Variants in IL1RAPL2 observed in about 807,000 individuals in gnomAD.
IL1RAPL2 encodes the protein interleukin 1 receptor accessory protein like 2.
A neutral mutation model predicts 44.1 loss-of-function variants in IL1RAPL2; 3 were observed. The ratio of observed to expected loss-of-function variants is 0.07; its 90% CI spans 0.03 to 0.18. The LOEUF (loss-of-function observed/expected upper bound fraction) is 0.18, where lower values mean the gene tolerates loss of function less well. Ranked by LOEUF, IL1RAPL2 falls within the 10% of genes least tolerant of loss-of-function variation. IL1RAPL2 has a pLI of 1.00. For synonymous variants in IL1RAPL2, 181 were observed against 178.8 expected, an observed-to-expected ratio of 1.01 and a Z score of -0.10; for missense variants, 391 against 496.4, an observed-to-expected ratio of 0.79 and a Z score of 2.02.
intron 5 of IL1RAPL2, among the ~76,000 whole-genome samples, chrX:105,305,943 T>G (rs2034733813): frequency 1.8e-5 from 2 of 111,307 alleles, no homozygotes; most frequent in African/African-American, 6.5e-5. Flanking sequence ...AAATTTTAAA[T>G]ATTTTTCCAT....
chrX:105,041,642 C>T (rs1292918425), intron 2 of IL1RAPL2, among the ~76,000 whole-genome samples: 1 of 109,160 alleles, frequency 9.2e-6, no homozygotes, highest in Non-Finnish European at 1.9e-5. Flanking sequence ...GTGAAAATGG[C>T]CATACTGCCC....
chrX:104,933,150 G>A (rs1924945774), intron 2 of IL1RAPL2, among the ~76,000 whole-genome samples: 1 of 111,867 alleles, frequency 8.9e-6, no homozygotes, highest in Non-Finnish European at 1.9e-5. Context: ...AATTTGGTAA[G>A]CCAATATATC....
At chrX:105,684,850 A>G (rs1339532160) in intron 6 of IL1RAPL2, among the ~76,000 whole-genome samples, 1 of 111,964 alleles carries the variant, frequency 8.9e-6, no homozygotes, top group Non-Finnish European at 1.9e-5. Context: ...TCAGGCAGCA[A>G]TATTTGCTGT....
intron 7 of IL1RAPL2, among the ~76,000 whole-genome samples, chrX:105,724,677 A>T (rs1250587614): frequency 1.8e-5 from 2 of 112,227 alleles, no homozygotes; most frequent in Non-Finnish European, 3.8e-5. Context: ...GCAGTAACAT[A>T]AGATGTAATT....
chrX:105,660,548 TAAA>T (rs1299762147), intron 6 of IL1RAPL2, among the ~76,000 whole-genome samples: 1 of 110,414 alleles, frequency 9.1e-6, no homozygotes, highest in African/African-American at 3.3e-5. Context: ...GATGAAGAAA[TAAA>T]AAAATAATAA....
intron 2 of IL1RAPL2, among the ~76,000 whole-genome samples, chrX:104,841,114 T>C (rs2147635327): frequency 8.9e-6 from 1 of 112,310 alleles, no homozygotes; most frequent in East Asian, 2.8e-4. Context: ...GCTCTTTTTG[T>C]TGCATTGATG....
At chrX:105,032,335 A>G (rs1263798089) in intron 2 of IL1RAPL2, among the ~76,000 whole-genome samples, 1 of 105,879 alleles carries the variant, frequency 9.4e-6, no homozygotes, top group South Asian at 4.4e-4. Flanking sequence ...TCAATTTTGG[A>G]TCTTTCCTGC....
chrX:105,286,944 C>T (rs1775971389), intron 5 of IL1RAPL2, among the ~76,000 whole-genome samples: 1 of 111,630 alleles, frequency 9.0e-6, no homozygotes, highest in Non-Finnish European at 1.9e-5. Flanking sequence ...TATTCATTAA[C>T]CTATTGAAAA....
intron 2 of IL1RAPL2, among the ~76,000 whole-genome samples, chrX:105,103,909 A>G (rs1258118492): frequency 1.8e-5 from 2 of 111,946 alleles, no homozygotes; most frequent in African/African-American, 3.2e-5. Flanking sequence ...AAGAGAAACA[A>G]TGAATTATTT....
At chrX:105,538,569 T>C (rs901117724) in intron 6 of IL1RAPL2, among the ~76,000 whole-genome samples, 1 of 111,845 alleles carries the variant, frequency 8.9e-6, no homozygotes, top group Admixed American at 9.5e-5. Flanking sequence ...TTACCTTCTT[T>C]CCTTTGTGAG....
intron 2 of IL1RAPL2, among the ~76,000 whole-genome samples, chrX:105,014,114 T>C (rs866820746): frequency 1.3e-4 from 15 of 111,988 alleles, no homozygotes; most frequent in African/African-American, 4.9e-4. Flanking sequence ...GGATGATTTC[T>C]TAAGGTTTTT....
intron 2 of IL1RAPL2, among the ~76,000 whole-genome samples, 170 bp from the exon 3 acceptor site, chrX:105,195,305 G>A (rs188356065): frequency 9.1e-5 from 10 of 109,929 alleles, no homozygotes; most frequent in African/African-American, 3.3e-4. Context: ...AGCAGGGGCT[G>A]TGCTTACTAA....
At chrX:104,641,974 G>C (rs1929943108) in intron 1 of IL1RAPL2, among the ~76,000 whole-genome samples, 1 of 111,551 alleles carries the variant, frequency 9.0e-6, no homozygotes, top group African/African-American at 3.3e-5. Context: ...TCCCTCCCGT[G>C]GTCTCCTGGC....
chrX:105,598,837 C>T (rs1353521577), intron 6 of IL1RAPL2, among the ~76,000 whole-genome samples: 1 of 112,122 alleles, frequency 8.9e-6, no homozygotes, highest in African/African-American at 3.2e-5. Context: ...CAAATAATCC[C>T]TTTGAACTTA....
intron 5 of IL1RAPL2, among the ~76,000 whole-genome samples, chrX:105,447,572 CAT>C (rs2035976509): frequency 4.6e-5 from 3 of 64,978 alleles, no homozygotes; most frequent in South Asian, 1.1e-3. Context: ...AATATATAAA[CAT>C]AAATATATAT....
intron 2 of IL1RAPL2, among the ~76,000 whole-genome samples, chrX:104,911,369 A>G (rs1293719288): frequency 8.9e-6 from 1 of 112,140 alleles, no homozygotes. Flanking sequence ...TATTTATAAC[A>G]TAGGTGAAAA....
intron 1 of IL1RAPL2, among the ~76,000 whole-genome samples, chrX:104,653,150 T>C (rs73635152): frequency 0.024 from 2,640 of 111,332 alleles, 85 homozygotes; most frequent in African/African-American, 0.081. Context: ...CCTCTGGACA[T>C]TGGAAATCCC....
intron 5 of IL1RAPL2, among the ~76,000 whole-genome samples, chrX:105,365,316 G>C (rs1161592436): frequency 9.0e-6 from 1 of 111,426 alleles, no homozygotes; most frequent in African/African-American, 3.3e-5. Flanking sequence ...ACATTGTTCA[G>C]GCTTTTTGCT....
chrX:105,311,619 C>CAA (rs2034797684), intron 5 of IL1RAPL2, among the ~76,000 whole-genome samples: 1 of 95,642 alleles, frequency 1.0e-5, no homozygotes, highest in African/African-American at 5.2e-5. Context: ...CATACACACA[C>CAA]ACACACACAC....
Sources: gnomAD v4.1 joint callset for allele counts (sites outside exome capture counted in the v4.1 genomes callset) on GRCh38, gnomAD v4.1.1 for gene constraint, MANE v1.5 for transcripts, NCBI Gene and HGNC (gene_info 2026-07-23, HGNC 2026-07-21) for gene names.